The following WLS variants were observed in gnomAD, a reference collection of about 807,000 sequenced individuals.
WLS encodes Wnt ligand secretion mediator.
WLS carries 23 observed loss-of-function variants against 62.8 expected under a neutral mutation model. The ratio of observed to expected loss-of-function variants is 0.37; its 90% CI spans 0.26 to 0.52. The LOEUF is 0.52. Among genes scored for constraint, WLS ranks in the 20% least tolerant of loss-of-function variants. The probability of loss-of-function intolerance (pLI) is 0.92; values close to 1 mark genes in which losing one functional copy is unlikely to be tolerated. For missense variants in WLS, 615 were observed against 697.3 expected, an observed-to-expected ratio of 0.88 and a Z score of 1.33; for synonymous variants, 246 against 244.1, an observed-to-expected ratio of 1.01 and a Z score of -0.07.
At chr1:68,131,097 GAGACA>G (rs1646514731) in intron 11 of WLS, among the ~76,000 whole-genome samples, 1 of 78,874 alleles carries the variant, frequency 1.3e-5, no homozygotes, top group Non-Finnish European at 3.1e-5. Context: ...TTTTTAAGTA[GAGACA>G]GGGTTTCACC....
At chr1:68,163,193 A>C in intron 2 of WLS, 1 of 712,852 alleles carries the variant, frequency 1.4e-6, no homozygotes, top group Non-Finnish European at 2.4e-6. Flanking sequence ...CTATGAACCC[A>C]CTATAAATCT....
chr1:68,220,740 C>T (rs1407813267), intron 1 of WLS, among the ~76,000 whole-genome samples: 1 of 152,108 alleles, frequency 6.6e-6, no homozygotes, highest in Non-Finnish European at 1.5e-5. Context: ...TGTAAGAAGC[C>T]CACATCAAGA....
At chr1:68,105,491 A>G (rs569680680) in intron 11 of WLS, among the ~76,000 whole-genome samples, 4 of 152,332 alleles carry the variant, frequency 2.6e-5, no homozygotes, top group African/African-American at 9.6e-5. Flanking sequence ...GAATCCAGAA[A>G]GAAAGAAATG....
rs145777328 is a variant in WLS, at chr1:68,110,229, TTTAAAA to T, written c.1511-11482_1511-11477del. Among the ~76,000 whole-genome samples, 103 of 151,958 alleles carry T rather than the reference TTTAAAA, an allele frequency of 6.8e-4. No individual in the cohort carries two copies. The East Asian group carries it at 0.018, about 27-fold the overall frequency. Reference sequence around the variant, plus strand: ...TTAAAAAGATTTTTAAAAAATTTAATTTAAAATTAAGTTGAAAAAATATTTTAAGTG... The same window carrying T: ...TTAAAAAGATTTTTAAAAAATTTAATTTAAGTTGAAAAAATATTTTAAGTG... On this transcript the variant is annotated intron_variant, in intron 11 of 11. Coordinates refer to the WLS transcript ENST00000354777.
rs148206738 is a variant in WLS, at chr1:68,193,569, AT to A, written c.379+385del. On this transcript the variant is annotated intron_variant, in intron 2 of 11. Coordinates refer to ENST00000262348, the MANE Select transcript of WLS (RefSeq NM_024911.7). ...AGTGGAAAAAGACATTTAAAAAAAA[AT>A]AAAAACCTTTCAGGAACCCTCAAGT... Among the ~76,000 whole-genome samples the A allele has an allele frequency of 6.7e-3, 1,019 of 152,156 alleles. 8 individuals are homozygous for A. The highest frequency in any genetic ancestry group is 0.01 in the Non-Finnish European group (688 of 67,996).
At chr1:68,193,596 C>T (rs1461708942) in intron 2 of WLS, among the ~76,000 whole-genome samples, 1 of 152,000 alleles carries the variant, frequency 6.6e-6, no homozygotes, top group Non-Finnish European at 1.5e-5. Context: ...ACCCTCAAGT[C>T]ACTCCATTGG....
intron 2 of WLS, among the ~76,000 whole-genome samples, 194 bp from the exon 3 acceptor site, chr1:68,159,441 A>T (rs1461641278): frequency 6.6e-6 from 1 of 152,154 alleles, no homozygotes; most frequent in Non-Finnish European, 1.5e-5. Flanking sequence ...GTCCCCTCTC[A>T]TGTCCACTCT....
In WLS at chr1:68,174,731, G is replaced by A. The variant is rs550644179; in HGVS notation, c.380-15484C>T. On this transcript the variant is annotated intron_variant, in intron 2 of 11. Transcript: ENST00000262348. ...TTTCGGGTCACGCTAGCACTGTTGC[G>A]TTGGTCTCTACATGCATCACTCCAC... 1.1e-4 allele frequency among the ~76,000 whole-genome samples: 17 copies of A among 152,192 alleles called. No homozygotes were observed. In the East Asian group the frequency reaches 2.3e-3, roughly 21 times the overall value.
In WLS at chr1:68,155,162, C is replaced by T. The variant is rs1350776305; in HGVS notation, c.603G>A (p.Leu201=). 6.2e-7 allele frequency: 1 copy of T among 1,614,000 alleles called. No individual in the cohort carries two copies. Among genetic ancestry groups the T allele is most frequent in the Non-Finnish European group, 8.5e-7 (1 of 1,179,964 alleles). ...AHKFYLLNIR[L]PVNEKKKINV... ...TGATTTTCTTCTTCTCATTCACAGG[C>T]AGCCGGATGTTTAAAAGGTAAAACT... Residue 201 remains leucine (L), a synonymous_variant, in exon 4 of 12, where the codon CTG becomes CTA. Coordinates refer to ENST00000262348, the MANE Select transcript of WLS (RefSeq NM_024911.7).
chr1:68,194,500 C>G lies in WLS; in HGVS notation c.107-273G>C, dbSNP rs138287574. On this transcript the variant is annotated intron_variant, in intron 1 of 11. Coordinates refer to ENST00000262348, the MANE Select transcript of WLS (RefSeq NM_024911.7). ...CCAGTCTAGTTATACTTCCCCACTT[C>G]AAAACAATGTCACAAAAAATCAACT... 6.8e-3 allele frequency among the ~76,000 whole-genome samples: 1,038 copies of G among 152,300 alleles called. 10 individuals carry two copies. The highest frequency in any genetic ancestry group is 0.01 in the Non-Finnish European group (696 of 68,012).
intron 2 of WLS, chr1:68,163,036 C>T (rs540577415): frequency 5.0e-6 from 8 of 1,587,186 alleles, no homozygotes; most frequent in South Asian, 4.4e-5. Flanking sequence ...CGGATACCTT[C>T]ACAAATTCTG....
intron 1 of WLS, chr1:68,231,483 G>A (rs1650415366): frequency 1.1e-5 from 3 of 283,420 alleles, no homozygotes; most frequent in South Asian, 9.6e-5. Flanking sequence ...AACACCTTTC[G>A]GATACGCTTT....
At chr1:68,186,866 A>T (rs1647977517) in intron 2 of WLS, among the ~76,000 whole-genome samples, 1 of 152,114 alleles carries the variant, frequency 6.6e-6, no homozygotes, top group Non-Finnish European at 1.5e-5. Context: ...AGAGAGGATA[A>T]ATTTAAGGAA....
intron 10 of WLS, among the ~76,000 whole-genome samples, chr1:68,140,730 G>A (rs1646673532): frequency 6.6e-6 from 1 of 152,174 alleles, no homozygotes; most frequent in Non-Finnish European, 1.5e-5. Flanking sequence ...TTGAACTGCA[G>A]AAATAAACGG....
chr1:68,162,383 C>T lies in WLS; in HGVS notation c.380-3136G>A, dbSNP rs1646990468. On this transcript the variant is annotated intron_variant, in intron 2 of 11. Transcript: ENST00000262348. ...AGATTGCAGTGCAAGGAGACGCAGT[C>T]GCTCTGATACAGCAAATCCTACAGA... is the stretch of plus-strand genomic sequence containing the variant. 9 of 1,613,814 alleles carry T rather than the reference C, an allele frequency of 5.6e-6. No homozygotes were observed. The Admixed American group carries it at 1.0e-4, about 18-fold the overall frequency.
chr1:68,222,574 G>C (rs3001035), intron 1 of WLS, among the ~76,000 whole-genome samples: 1 of 152,096 alleles, frequency 6.6e-6, no homozygotes, highest in African/African-American at 2.4e-5. Context: ...AAACTCTGAA[G>C]GACATATATC....
intron 11 of WLS, among the ~76,000 whole-genome samples, chr1:68,136,032 A>G (rs920089270): frequency 6.6e-6 from 1 of 152,170 alleles, no homozygotes; most frequent in Non-Finnish European, 1.5e-5. Flanking sequence ...ACTGATTGTA[A>G]CATGTCTACT....
rs6670417 is a variant in WLS at position 68,148,085 on chromosome 1, C to T, written c.1134+51G>A. The T allele has an allele frequency of 4.1e-4, 654 of 1,594,142 alleles. No homozygotes were observed. In the African/African-American group the frequency reaches 7.9e-3, roughly 19 times the overall value. On this transcript the variant is annotated intron_variant, in intron 8 of 11. Coordinates refer to ENST00000262348, the MANE Select transcript of WLS (RefSeq NM_024911.7). Reference sequence around the variant, plus strand: ...GAGCCTTAGAAAATGATCTTGGGGACTGGGTGGCCAGGGGAAGAAATAAAA... The same window carrying T: ...GAGCCTTAGAAAATGATCTTGGGGATTGGGTGGCCAGGGGAAGAAATAAAA...
chr1:68,130,646 T>G (rs1000512420), intron 11 of WLS, among the ~76,000 whole-genome samples: 1 of 152,180 alleles, frequency 6.6e-6, no homozygotes, highest in Non-Finnish European at 1.5e-5. Context: ...CCAAATTATT[T>G]TCATGCAAAG....
Sources: gnomAD v4.1 joint callset for allele counts (sites outside exome capture counted in the v4.1 genomes callset) on GRCh38, gnomAD v4.1.1 for gene constraint, MANE v1.5 for transcripts, NCBI Gene and HGNC (gene_info 2026-07-23, HGNC 2026-07-21) for gene names.